Variants in PSD3 observed in about 807,000 individuals in gnomAD.
PSD3 encodes pleckstrin and Sec7 domain containing 3.
A neutral mutation model predicts 105.5 loss-of-function variants in PSD3; 49 were observed. That is an observed-to-expected ratio of 0.46 (90% CI 0.37 to 0.59). The LOEUF is 0.59. Ranked by LOEUF, PSD3 falls within the 20% of genes least tolerant of loss-of-function variation. The pLI is 0.00. For missense variants in PSD3, 1,561 were observed against 1,263.8 expected, an observed-to-expected ratio of 1.24 and a Z score of -3.57; for synonymous variants, 557 against 457.8, an observed-to-expected ratio of 1.22 and a Z score of -2.77.
chr8:19,035,940 A>G (rs1827928729), intron 1 of PSD3, among the ~76,000 whole-genome samples: 1 of 152,086 alleles, frequency 6.6e-6, no homozygotes, highest in South Asian at 2.1e-4. Context: ...TTTTTAGTAG[A>G]GACAGGGTTT....
chr8:18,547,141 C>G (rs1800496401), intron 15 of PSD3, among the ~76,000 whole-genome samples: 1 of 152,128 alleles, frequency 6.6e-6, no homozygotes, highest in African/African-American at 2.4e-5. Context: ...CCATGTAAGC[C>G]TGGTGGAATG....
intron 9 of PSD3, among the ~76,000 whole-genome samples, chr8:18,659,120 G>C (rs1809126044): frequency 6.6e-6 from 1 of 152,194 alleles, no homozygotes; most frequent in South Asian, 2.1e-4. Flanking sequence ...CTAGGGGGTT[G>C]TGGGGAGGTG....
chr8:18,910,254 T>C (rs1241193457), intron 2 of PSD3, among the ~76,000 whole-genome samples: 6 of 146,376 alleles, frequency 4.1e-5, no homozygotes, highest in Non-Finnish European at 7.5e-5. Flanking sequence ...CCAACAATGA[T>C]AGACTGGATT....
At chr8:18,702,646 T>A (rs536630326) in intron 9 of PSD3, among the ~76,000 whole-genome samples, 1 of 152,052 alleles carries the variant, frequency 6.6e-6, no homozygotes, top group African/African-American at 2.4e-5. Context: ...GGAATCTCGC[T>A]CTGTTGCCCA....
At chr8:18,893,177 C>T (rs1290826357) in intron 2 of PSD3, among the ~76,000 whole-genome samples, 5 of 152,226 alleles carry the variant, frequency 3.3e-5, no homozygotes, top group South Asian at 2.1e-4. Flanking sequence ...AAACTGCTTT[C>T]GCCATGTACT....
At chr8:18,768,982 G>A (rs1321584049) in intron 8 of PSD3, among the ~76,000 whole-genome samples, 1 of 152,146 alleles carries the variant, frequency 6.6e-6, no homozygotes, top group Non-Finnish European at 1.5e-5. Context: ...TTAGTTTAAA[G>A]CACAGAAAGG....
At chr8:18,963,346 T>G (rs1471723875) in intron 1 of PSD3, among the ~76,000 whole-genome samples, 1 of 152,218 alleles carries the variant, frequency 6.6e-6, no homozygotes, top group African/African-American at 2.4e-5. Flanking sequence ...TTTGACTTCC[T>G]GAATTTGTGT....
chr8:18,770,542 C>G (rs190840784), intron 8 of PSD3, among the ~76,000 whole-genome samples: 1 of 152,268 alleles, frequency 6.6e-6, no homozygotes, highest in Admixed American at 6.5e-5. Flanking sequence ...TCCACTCACT[C>G]AAATCTGCTG....
At chr8:19,075,762 G>A (rs1208872179) in intron 1 of PSD3, among the ~76,000 whole-genome samples, 3 of 152,276 alleles carry the variant, frequency 2.0e-5, no homozygotes, top group African/African-American at 4.8e-5. Context: ...GTTTCATGCC[G>A]TATGTTTCAA....
intron 1 of PSD3, chr8:19,002,029 G>A (rs1055040055): frequency 1.3e-5 from 2 of 154,174 alleles, no homozygotes; most frequent in Admixed American, 6.5e-5. Context: ...CTGGAGCTGA[G>A]CCACACTCAT....
At chr8:19,066,584 C>T (rs1829082286) in intron 1 of PSD3, among the ~76,000 whole-genome samples, 2 of 152,204 alleles carry the variant, frequency 1.3e-5, no homozygotes, top group African/African-American at 2.4e-5. Context: ...TCTTCTACTC[C>T]ACAGTCAATA....
chr8:18,840,067 C>T (rs1465798755), intron 4 of PSD3, among the ~76,000 whole-genome samples: 3 of 152,142 alleles, frequency 2.0e-5, no homozygotes, highest in East Asian at 1.9e-4. Flanking sequence ...ATTCCATGGA[C>T]CTTTAAGAAT....
intron 9 of PSD3, among the ~76,000 whole-genome samples, chr8:18,761,668 T>C (rs1806548967): frequency 6.6e-6 from 1 of 152,198 alleles, no homozygotes; most frequent in African/African-American, 2.4e-5. Context: ...TATCCCTCTT[T>C]ATTCACGTCG....
intron 2 of PSD3, among the ~76,000 whole-genome samples, chr8:18,920,762 T>G (rs1820958326): frequency 6.6e-6 from 1 of 152,132 alleles, no homozygotes; most frequent in Admixed American, 6.5e-5. Flanking sequence ...GGACTAAAAC[T>G]TGTCTAGCAT....
At chr8:18,942,308 G>A (rs933120271) in intron 1 of PSD3, among the ~76,000 whole-genome samples, 1 of 152,128 alleles carries the variant, frequency 6.6e-6, no homozygotes, top group Non-Finnish European at 1.5e-5. Flanking sequence ...CTAACACTTG[G>A]TTCCAACAGT....
intron 9 of PSD3, among the ~76,000 whole-genome samples, chr8:18,757,272 G>A (rs1229199954): frequency 6.7e-6 from 1 of 149,950 alleles, no homozygotes; most frequent in Non-Finnish European, 1.5e-5. Context: ...TGCCAACATG[G>A]TAAAACCCTG....
At chr8:18,926,541 T>G (rs2129467974) in intron 2 of PSD3, among the ~76,000 whole-genome samples, 3 of 152,172 alleles carry the variant, frequency 2.0e-5, no homozygotes, top group Middle Eastern at 6.8e-3. Flanking sequence ...TCATTAGTCA[T>G]TACAAAAATG....
chr8:18,722,427 C>G (rs925124960), intron 9 of PSD3, among the ~76,000 whole-genome samples: 5 of 152,144 alleles, frequency 3.3e-5, no homozygotes, highest in Non-Finnish European at 7.4e-5. Flanking sequence ...ACACTAATCA[C>G]AGTTGATAAT....
intron 9 of PSD3, among the ~76,000 whole-genome samples, chr8:18,688,242 G>A (rs1481514260): frequency 1.4e-5 from 2 of 147,818 alleles, no homozygotes; most frequent in Non-Finnish European, 1.5e-5. Context: ...CACCTGGCAC[G>A]ATCACGTCAG....
Sources: allele counts gnomAD v4.1 joint callset (sites outside exome capture counted in the v4.1 genomes callset), GRCh38; gene constraint gnomAD v4.1.1; transcripts MANE v1.5; gene names NCBI Gene and HGNC (gene_info 2026-07-23, HGNC 2026-07-21).